Variants in NAALADL2 observed in about 807,000 individuals in gnomAD.
NAALADL2 encodes the protein inactive N-acetylated-alpha-linked acidic dipeptidase-like protein 2.
NAALADL2 carries 76 observed loss-of-function variants against 87.2 expected under a neutral mutation model. The observed-to-expected ratio is 0.87, with a 90% CI of 0.72 to 1.05. The LOEUF is 1.05. NAALADL2 is among the 50% of genes least tolerant of loss of function. The pLI is 0.00. For missense variants in NAALADL2, 1,089 were observed against 945.8 expected (o/e 1.15, Z -1.99); for synonymous variants, 354 against 331.0 (o/e 1.07, Z -0.75).
chr3:175,784,551 C>A (rs1185604889), intron 13 of NAALADL2, among the ~76,000 whole-genome samples: 2 of 140,496 alleles, frequency 1.4e-5, no homozygotes, highest in East Asian at 4.0e-4. Flanking sequence ...GTGGTGATAT[C>A]CCCTTTATCA....
At chr3:175,244,132 A>C (rs1448849313) in intron 3 of NAALADL2, among the ~76,000 whole-genome samples, 1 of 152,134 alleles carries the variant, frequency 6.6e-6, no homozygotes, top group Non-Finnish European at 1.5e-5. Context: ...TCTCGGGAGC[A>C]ATCAGCTAGC....
At chr3:174,712,268 G>T (rs1671409004) in intron 2 of NAALADL2, among the ~76,000 whole-genome samples, 1 of 151,484 alleles carries the variant, frequency 6.6e-6, no homozygotes, top group Non-Finnish European at 1.5e-5. Context: ...TTTCTAATGG[G>T]ATAAATAAGG....
chr3:174,736,717 C>G (rs1420103824), intron 2 of NAALADL2, among the ~76,000 whole-genome samples: 1 of 152,144 alleles, frequency 6.6e-6, no homozygotes, highest in African/African-American at 2.4e-5. Context: ...GTCCATCAGC[C>G]CAGCCCCCAG....
intron 5 of NAALADL2, among the ~76,000 whole-genome samples, chr3:175,399,123 A>T (rs1356435302): frequency 6.6e-6 from 1 of 152,110 alleles, no homozygotes; most frequent in Non-Finnish European, 1.5e-5. Context: ...AAAGAAAAAG[A>T]TCATGAGGAG....
chr3:174,488,627 GT>G (rs1329927384), intron 1 of NAALADL2, among the ~76,000 whole-genome samples: 1 of 151,996 alleles, frequency 6.6e-6, no homozygotes, highest in Non-Finnish European at 1.5e-5. Flanking sequence ...TCTGGGATAA[GT>G]TCTTAGTTGA....
intron 2 of NAALADL2, among the ~76,000 whole-genome samples, chr3:175,207,349 AAAG>A (rs1398007235): frequency 6.6e-5 from 10 of 152,158 alleles, no homozygotes; most frequent in Admixed American, 6.6e-5. Flanking sequence ...AATTAAAAAA[AAAG>A]AGATTAAAAC....
At chr3:174,495,263 CAAAAAAA>C in intron 1 of NAALADL2, among the ~76,000 whole-genome samples, 2 of 120,390 alleles carry the variant, frequency 1.7e-5, no homozygotes, top group South Asian at 5.2e-4. Flanking sequence ...ATTAACAAAC[CAAAAAAA>C]AAAAAAAAAA....
At chr3:174,623,938 C>T (rs925859193) in intron 2 of NAALADL2, among the ~76,000 whole-genome samples, 5 of 151,674 alleles carry the variant, frequency 3.3e-5, no homozygotes, top group African/African-American at 1.2e-4. Flanking sequence ...GTAGAGTGAT[C>T]GATTTAGTTG....
chr3:175,005,567 T>C (rs1748898657), intron 1 of NAALADL2, among the ~76,000 whole-genome samples: 1 of 152,102 alleles, frequency 6.6e-6, no homozygotes, highest in African/African-American at 2.4e-5. Flanking sequence ...TAAAATATTG[T>C]AAGGTCTGTA....
intron 1 of NAALADL2, among the ~76,000 whole-genome samples, chr3:175,067,482 A>G (rs1352408968): frequency 2.0e-5 from 3 of 152,184 alleles, no homozygotes; most frequent in Non-Finnish European, 2.9e-5. Context: ...CAACAGACGT[A>G]TGAAAACAAT....
intron 5 of NAALADL2, among the ~76,000 whole-genome samples, chr3:175,442,641 A>G (rs1719995644): frequency 6.6e-6 from 1 of 152,146 alleles, no homozygotes; most frequent in Non-Finnish European, 1.5e-5. Context: ...TGTTTATCCA[A>G]TTTTCTCATT....
chr3:175,175,498 A>G (rs1324391852), intron 2 of NAALADL2, among the ~76,000 whole-genome samples: 2 of 152,014 alleles, frequency 1.3e-5, no homozygotes, highest in Admixed American at 1.3e-4. Flanking sequence ...TTTGTATTTT[A>G]AAATTTCCTG....
intron 1 of NAALADL2, among the ~76,000 whole-genome samples, chr3:175,050,410 C>T (rs934006960): frequency 1.3e-5 from 2 of 152,126 alleles, no homozygotes; most frequent in Non-Finnish European, 2.9e-5. Context: ...CACAGGGACG[C>T]ACCACCACGT....
chr3:175,133,702 G>A (rs148964694), intron 2 of NAALADL2, among the ~76,000 whole-genome samples: 1,879 of 152,256 alleles, frequency 0.012, 31 homozygotes, highest in African/African-American at 0.041. Context: ...GGCATCAGAG[G>A]GAGACCGTGG....
chr3:175,274,486 A>T (rs1753297367), intron 4 of NAALADL2, among the ~76,000 whole-genome samples: 1 of 152,230 alleles, frequency 6.6e-6, no homozygotes, highest in African/African-American at 2.4e-5. Context: ...GTCAAATTTC[A>T]AAACATTAGT....
At chr3:175,720,725 A>C (rs1399315844) in intron 11 of NAALADL2, among the ~76,000 whole-genome samples, 1 of 152,144 alleles carries the variant, frequency 6.6e-6, no homozygotes, top group East Asian at 1.9e-4. Flanking sequence ...ACTAGACTGC[A>C]ACTAAGGACT....
At chr3:175,065,943 G>A (rs953188320) in intron 1 of NAALADL2, among the ~76,000 whole-genome samples, 7 of 152,142 alleles carry the variant, frequency 4.6e-5, no homozygotes, top group Non-Finnish European at 1.0e-4. Flanking sequence ...CTCACATAAC[G>A]GTATTCGGTC....
chr3:175,008,213 A>C lies in NAALADL2; in HGVS notation c.44-88577A>C, dbSNP rs1174682963. Among the ~76,000 whole-genome samples, 4 of 152,048 alleles carry C rather than the reference A, an allele frequency of 2.6e-5. No individual in the cohort carries two copies. In the East Asian group the frequency reaches 7.7e-4, roughly 29 times the overall value. ...GCCAACATAGTGAGAACACTTCTAT[A>C]CAAAAAAAATTGAAAAATAAATAAG... On this transcript the variant is annotated intron_variant, in intron 1 of 13. Transcript: ENST00000454872.
intron 10 of NAALADL2, among the ~76,000 whole-genome samples, chr3:175,577,789 T>A (rs1343236704): frequency 6.6e-6 from 1 of 152,196 alleles, no homozygotes; most frequent in Non-Finnish European, 1.5e-5. Flanking sequence ...AAAATGTGAA[T>A]GCTTGAGATG....
Sources: gnomAD v4.1 joint callset for allele counts (sites outside exome capture counted in the v4.1 genomes callset) on GRCh38, gnomAD v4.1.1 for gene constraint, MANE v1.5 for transcripts, NCBI Gene and HGNC (gene_info 2026-07-23, HGNC 2026-07-21) for gene names.